Variants in GHR observed in about 807,000 individuals in gnomAD.
GHR encodes GH receptor.
Under a neutral mutation model 67.1 loss-of-function variants are expected in GHR, and 35 were observed. That is an observed-to-expected ratio of 0.52 (90% confidence interval 0.40 to 0.69). The LOEUF (loss-of-function observed/expected upper bound fraction) is 0.69, where lower values mean the gene tolerates loss of function less well. Ranked by LOEUF, GHR falls within the 30% of genes least tolerant of loss-of-function variation. The pLI is 0.00. For missense variants in GHR, 792 were observed against 764.6 expected, an observed-to-expected ratio of 1.04 and a Z score of -0.42; for synonymous variants, 272 against 269.1, an observed-to-expected ratio of 1.01 and a Z score of -0.10.
chr5:42,648,679 A>G (rs1754865942), intron 3 of GHR, among the ~76,000 whole-genome samples: 1 of 151,112 alleles, frequency 6.6e-6, no homozygotes, highest in South Asian at 2.1e-4. Flanking sequence ...AAGTAATAGT[A>G]CTACTACTAG....
chr5:42,605,779 C>T (rs1752603269), intron 2 of GHR, among the ~76,000 whole-genome samples: 1 of 152,222 alleles, frequency 6.6e-6, no homozygotes, highest in Admixed American at 6.5e-5. Flanking sequence ...TGAGGAGCTG[C>T]AGGAAGTGCC....
intron 1 of GHR, among the ~76,000 whole-genome samples, chr5:42,476,455 G>A (rs1745325476): frequency 1.3e-5 from 2 of 152,030 alleles, no homozygotes; most frequent in South Asian, 2.1e-4. Flanking sequence ...TCCTGACCTC[G>A]TGATGTGCCT....
intron 1 of GHR, among the ~76,000 whole-genome samples, chr5:42,494,143 T>G (rs1417068554): frequency 6.6e-6 from 1 of 152,134 alleles, no homozygotes; most frequent in Non-Finnish European, 1.5e-5. Flanking sequence ...CTGAAATATT[T>G]TAGGAGCTCA....
chr5:42,645,384 A>T (rs1446599444), intron 3 of GHR, among the ~76,000 whole-genome samples: 1 of 152,072 alleles, frequency 6.6e-6, no homozygotes, highest in Non-Finnish European at 1.5e-5. Flanking sequence ...AGATTCCAAG[A>T]CTCTTTGGCC....
intron 1 of GHR, among the ~76,000 whole-genome samples, chr5:42,466,724 G>A (rs1226478198): frequency 2.0e-5 from 3 of 152,186 alleles, no homozygotes; most frequent in African/African-American, 7.2e-5. Flanking sequence ...TAAATTAACT[G>A]CTGAAATGTT....
At chr5:42,494,369 C>G (rs1316844897) in intron 1 of GHR, among the ~76,000 whole-genome samples, 2 of 152,016 alleles carry the variant, frequency 1.3e-5, no homozygotes, top group African/African-American at 4.8e-5. Context: ...GTAATGAAGT[C>G]CTAGTAAAAC....
chr5:42,467,814 G>GC, intron 1 of GHR: 2 of 1,363,864 alleles, frequency 1.5e-6, no homozygotes, highest in Non-Finnish European at 2.0e-6. Flanking sequence ...AAAGACTTTC[G>GC]CCCAAGCTGG....
chr5:42,543,500 G>A (rs907900233), intron 1 of GHR, among the ~76,000 whole-genome samples: 1 of 152,062 alleles, frequency 6.6e-6, no homozygotes, highest in African/African-American at 2.4e-5. Flanking sequence ...GGCTAGTTGG[G>A]TATCAAATTC....
chr5:42,534,381 T>C lies in GHR; in HGVS notation c.-11-31483T>C, dbSNP rs1403781028. On this transcript the variant is annotated intron_variant, in intron 1 of 9. Coordinates refer to ENST00000230882, the MANE Select transcript of GHR (RefSeq NM_000163.5). Reference sequence around the variant, plus strand: ...ATGTACATGTGTATATGTGTATATATGTATGTATATATGTACATGTGTATA... The same window carrying C: ...ATGTACATGTGTATATGTGTATATACGTATGTATATATGTACATGTGTATA... Among the ~76,000 whole-genome samples the C allele has an allele frequency of 9.4e-5, 13 of 138,364 alleles. No homozygotes were observed. In the Admixed American group the frequency reaches 9.9e-4, roughly 11 times the overall value. The allele number at this position is 138,364 out of a possible 152,430, so 90.8% of individuals were successfully genotyped here. A position where few individuals can be genotyped will look rare whatever the true frequency, so the allele number is the denominator to read the frequency against.
intron 5 of GHR, among the ~76,000 whole-genome samples, chr5:42,698,056 A>G (rs570127152): frequency 1.4e-3 from 215 of 152,302 alleles, no homozygotes; most frequent in African/African-American, 5.1e-3. Flanking sequence ...AGAGGAATTG[A>G]GTCCTCGTTA....
chr5:42,690,913 T>C (rs2111673053), intron 4 of GHR, among the ~76,000 whole-genome samples: 1 of 152,310 alleles, frequency 6.6e-6, no homozygotes. Flanking sequence ...TTAGCCAAAC[T>C]GTAAAGAAAA....
At chr5:42,539,694 C>CT (rs1429267986) in intron 1 of GHR, among the ~76,000 whole-genome samples, 2 of 152,284 alleles carry the variant, frequency 1.3e-5, no homozygotes, top group African/African-American at 4.8e-5. Flanking sequence ...GAGGAACACT[C>CT]TTTTTTTCAT....
intron 1 of GHR, among the ~76,000 whole-genome samples, chr5:42,529,163 C>G (rs371552254): frequency 3.3e-5 from 5 of 152,142 alleles, no homozygotes; most frequent in Admixed American, 2.6e-4. Flanking sequence ...AGGTGCCCAC[C>G]ACAATGCCCA....
rs181499582 is a variant in GHR at position 42,461,214 on chromosome 5, G to C, written c.-12+37259G>C. On this transcript the variant is annotated intron_variant, in intron 1 of 9. Coordinates refer to ENST00000230882, the MANE Select transcript of GHR (RefSeq NM_000163.5). The stretch of plus-strand genomic sequence containing the variant: ...TGGAGGGAAGGAAGGAGGCAGGCTG[G>C]CTGTACTTTGCCCTCCTCAACCCTA... 6.2e-3 allele frequency among the ~76,000 whole-genome samples: 943 copies of C among 152,288 alleles called. 4 individuals carry two copies. The highest frequency in any genetic ancestry group is 0.011 in the Non-Finnish European group (777 of 68,018).
intron 1 of GHR, among the ~76,000 whole-genome samples, chr5:42,486,752 CAGG>C (rs1238092715): frequency 6.6e-6 from 1 of 150,700 alleles, no homozygotes; most frequent in Non-Finnish European, 1.5e-5. Flanking sequence ...GAGGCTGAGG[CAGG>C]AGAATGGTGT....
chr5:42,474,307 A>AAG (rs1561325540), intron 1 of GHR, among the ~76,000 whole-genome samples: 1 of 134,118 alleles, frequency 7.5e-6, no homozygotes, highest in African/African-American at 2.8e-5. Flanking sequence ...GAAAGAAAGA[A>AAG]AGAAAGAAAG....
At chr5:42,495,701 A>G (rs1021440422) in intron 1 of GHR, among the ~76,000 whole-genome samples, 1 of 152,146 alleles carries the variant, frequency 6.6e-6, no homozygotes, top group Non-Finnish European at 1.5e-5. Flanking sequence ...ACATTTTTCA[A>G]TTTCAAGAAG....
At chr5:42,694,768 A>G in intron 4 of GHR, 149 bp from the exon 5 acceptor site, 1 of 704,152 alleles carries the variant, frequency 1.4e-6, no homozygotes. Context: ...CACTGATGTG[A>G]TATGTCTCGG....
rs192891964 is a variant in GHR at position 42,694,900 on chromosome 5, T to A, written c.267-17T>A. 2 of 1,588,810 alleles carry A rather than the reference T, an allele frequency of 1.3e-6. No individual in the cohort carries two copies. The highest frequency in any genetic ancestry group is 3.4e-5 in the Admixed American group (2 of 59,686). ...GATTTTTGGAACAATTAATCTTTTT[T>A]TAACCCTTCATTTTAGGAACACTCA... On this transcript the variant is annotated splice_polypyrimidine_tract_variant and intron_variant, in intron 4 of 9. Coordinates refer to ENST00000230882, the MANE Select transcript of GHR (RefSeq NM_000163.5).
Sources: allele counts gnomAD v4.1 joint callset (sites outside exome capture counted in the v4.1 genomes callset), GRCh38; gene constraint gnomAD v4.1.1; transcripts MANE v1.5; gene names NCBI Gene and HGNC (gene_info 2026-07-23, HGNC 2026-07-21).